The following PCDH1 variants were observed in gnomAD, a reference collection of about 807,000 sequenced individuals.
PCDH1 encodes the protein protocadherin 1, also known as protocadherin-1.
In PCDH1, 23 loss-of-function variants were observed where a neutral mutation model predicts 74.6. That is an observed-to-expected ratio of 0.31 (90% confidence interval 0.22 to 0.44). PCDH1 has a LOEUF of 0.44. Among genes scored for constraint, PCDH1 ranks in the 20% least tolerant of loss-of-function variants. The pLI is 1.00. For missense variants in PCDH1, 1,214 were observed against 1,641.4 expected (o/e 0.74, Z 4.50); for synonymous variants, 647 against 686.1 (o/e 0.94, Z 0.89).
At chr5:141,862,947 G>A in intron 3 of PCDH1, 1 of 1,239,408 alleles carries the variant, frequency 8.1e-7, no homozygotes, top group Admixed American at 3.9e-5. Flanking sequence ...ATAAGGCCCA[G>A]TAGCTGGTCC....
intron 3 of PCDH1, chr5:141,862,547 G>C: frequency 1.2e-6 from 1 of 816,088 alleles, no homozygotes; most frequent in Non-Finnish European, 1.5e-6. Flanking sequence ...TGTGGCAAGA[G>C]GCAAAGAGAA....
Position 141,853,718 on chromosome 5 carries a change from C to T in PCDH1, c.*324G>A, listed in dbSNP as rs192974004. 10 of 270,232 alleles carry T rather than the reference C, an allele frequency of 3.7e-5. No individual in the cohort carries two copies. Among genetic ancestry groups the T allele is most frequent in the East Asian group, 1.9e-4 (3 of 15,734 alleles). The allele number at this position is 270,232 out of a possible 1,614,324, so 16.7% of individuals were successfully genotyped here. A position where few individuals can be genotyped will look rare whatever the true frequency, so the allele number is the denominator to read the frequency against. Reference sequence around the variant, plus strand: ...AGAAGTACGCTGCCCACCCTTGACTCCACCATCTGCCCAAATCGAGGGGGT... The same window carrying T: ...AGAAGTACGCTGCCCACCCTTGACTTCACCATCTGCCCAAATCGAGGGGGT... On this transcript the variant is annotated 3_prime_UTR_variant, in exon 5 of 5. Transcript: ENST00000287008.
Position 141,869,261 on chromosome 5 carries a change from T to C in PCDH1, c.211A>G (p.Asn71Asp), listed in dbSNP as rs1452477326. The C allele has an allele frequency of 1.2e-6, 2 of 1,612,018 alleles. No homozygotes were observed. Among genetic ancestry groups the C allele is most frequent in the African/African-American group, 2.7e-5 (2 of 74,852 alleles). ...VYKVPEEQPP[N>D]TLIGSLAADY... ...GCTGCGAGGCTCCCAATGAGGGTGTTGGGTGGCTGTTCCTCCGGCACCTTG... is the reference window on the plus strand; with the variant it reads ...GCTGCGAGGCTCCCAATGAGGGTGTCGGGTGGCTGTTCCTCCGGCACCTTG... Residue 71 changes from asparagine (N) to aspartate (D), a missense_variant, in exon 2 of 5, where the codon AAC becomes GAC. Coordinates refer to ENST00000287008, the MANE Select transcript of PCDH1 (RefSeq NM_032420.5). This position sits in a 1 kb window ranked among gnomAD's most constrained non-coding sequence, Gnocchi z 4.9.
rs756675108 is a variant in PCDH1, at chr5:141,865,450, AAGG to A, written c.904-26_904-24del. On this transcript the variant is annotated intron_variant, in intron 2 of 4. Coordinates refer to ENST00000287008, the MANE Select transcript of PCDH1 (RefSeq NM_032420.5). This position sits in a 1 kb window ranked among gnomAD's most constrained non-coding sequence, Gnocchi z 4.4. ...CACCTATAGGGCAGGAGAGAAAAAC[AAGG>A]AGAACAGAGATGGTTTAGATCAGGG... 1.4e-5 allele frequency: 22 copies of A among 1,601,938 alleles called. No homozygotes were observed. The highest frequency in any genetic ancestry group is 1.7e-4 in the Middle Eastern group (1 of 6,054).
rs529468142 is a variant in PCDH1, at chr5:141,859,625, T to C, written c.3100-2154A>G. Among the ~76,000 whole-genome samples, 114 of 152,252 alleles carry C rather than the reference T, an allele frequency of 7.5e-4. 2 individuals carry two copies. The South Asian group carries it at 0.011, about 15-fold the overall frequency. On this transcript the variant is annotated intron_variant, in intron 3 of 4. Transcript: ENST00000287008. ...CAGAAGGCTGATGTCTACCTGAGAATCCTGGTAGCTCTCCCCTCATTCCCT... is the reference window on the plus strand; with the variant it reads ...CAGAAGGCTGATGTCTACCTGAGAACCCTGGTAGCTCTCCCCTCATTCCCT...
rs370256285 is a variant in PCDH1 at position 141,863,926 on chromosome 5, C to T, written c.2405G>A (p.Arg802His). The T allele has an allele frequency of 2.9e-5, 47 of 1,614,024 alleles. No homozygotes were observed. The highest frequency in any genetic ancestry group is 1.6e-4 in the Middle Eastern group (1 of 6,084). ...AAGATGGACCAAGGCTGTGCCATAG[C>T]GTGGGGGCTTGCCGCGGTCACTGAC... is the stretch of plus-strand genomic sequence containing the variant. ...VKVSDRGKPP[R>H]YGTALVHLYV... Residue 802 changes from arginine (R) to histidine (H), a missense_variant, in exon 3 of 5, where the codon CGC becomes CAC. Coordinates refer to ENST00000287008, the MANE Select transcript of PCDH1 (RefSeq NM_032420.5). The surrounding 1 kb of genome is among the most constrained non-coding windows in gnomAD (Gnocchi z 7.5).
At chr5:141,874,379 A>C (rs1753168098) in intron 1 of PCDH1, among the ~76,000 whole-genome samples, 1 of 152,176 alleles carries the variant, frequency 6.6e-6, no homozygotes, top group Non-Finnish European at 1.5e-5. Flanking sequence ...GCAGCGCCTT[A>C]TCTGCCCTTC....
Position 141,857,407 on chromosome 5 carries a change from T to A in PCDH1, c.3164A>T (p.Gln1055Leu). The change falls in exon 4 of 5, where the codon CAG (glutamine) becomes CTG (leucine). Residue 1055 changes from glutamine to leucine, a missense_variant. Around this residue, in one of 4 missense-constraint regions of PCDH1, gnomAD observed 836 missense variants for 1,182.2 expected, o/e 0.71. Transcript: ENST00000287008. ...SQAQELQDPS[Q>L]HSYYDSGLEE... is the part of the protein sequence containing the mutation. ...CAGGCCACTGTCATAGTAACTGTGC[T>A]GGGATGGGTCCTGCAGCTCCTGGGC... The A allele has an allele frequency of 6.2e-7, 1 of 1,614,096 alleles. No individual in the cohort carries two copies. Among genetic ancestry groups the A allele is most frequent in the South Asian group, 1.1e-5 (1 of 91,066 alleles).
Position 141,878,102 on chromosome 5 carries a change from G to A in PCDH1, c.40+121C>T. 9.0e-6 allele frequency: 8 copies of A among 893,118 alleles called. 1 individual carries two copies. In the South Asian group the frequency reaches 9.1e-5, roughly 10 times the overall value. 55.3% of individuals were successfully genotyped at this position (893,118 alleles called of 1,614,324 possible). A position where few individuals can be genotyped will look rare whatever the true frequency, so the allele number is the denominator to read the frequency against. On this transcript the variant is annotated intron_variant, in intron 1 of 4. Transcript: ENST00000287008. This position sits in a 1 kb window ranked among gnomAD's most constrained non-coding sequence, Gnocchi z 5.5. ...GCAGCCCCCACCTCAGCCCCCTCGC[G>A]CCGAGCTCGTGTTGGGCCCCCGCGG...
intron 1 of PCDH1, among the ~76,000 whole-genome samples, chr5:141,876,325 C>A (rs1369635497): frequency 6.6e-6 from 1 of 152,158 alleles, no homozygotes; most frequent in East Asian, 1.9e-4. Flanking sequence ...CCCTCCTCCC[C>A]GGCATCTCCG....
intron 1 of PCDH1, among the ~76,000 whole-genome samples, chr5:141,872,058 G>C (rs1198861644): frequency 6.6e-6 from 1 of 152,064 alleles, no homozygotes; most frequent in Non-Finnish European, 1.5e-5. Flanking sequence ...GGCGTTATCA[G>C]ATTGGTGTGA....
In PCDH1 at chr5:141,863,412, G is replaced by T; in HGVS notation, c.2919C>A (p.Ser973=). 1 of 1,557,434 alleles carries T rather than the reference G, an allele frequency of 6.4e-7. No individual in the cohort carries two copies. Among genetic ancestry groups the T allele is most frequent in the East Asian group, 2.3e-5 (1 of 44,390 alleles). Residue 973 remains serine, a synonymous_variant, in exon 3 of 5, where the codon TCC becomes TCA. Transcript: ENST00000287008. This position sits in a 1 kb window ranked among gnomAD's most constrained non-coding sequence, Gnocchi z 7.5. ...GCTGCAGCTGGATGGAAGGCAGTGG[G>T]GAGTTAGAGCGATAGTGGCGGCCCA... ...PDLGRHYRSN[S]PLPSIQLQPQ...
chr5:141,874,374 G>A (rs747599441), intron 1 of PCDH1, among the ~76,000 whole-genome samples: 3 of 152,190 alleles, frequency 2.0e-5, no homozygotes, highest in African/African-American at 7.2e-5. Context: ...TACATGCAGC[G>A]CCTTATCTGC....
chr5:141,868,883 C>T lies in PCDH1; in HGVS notation c.589G>A (p.Ala197Thr). Residue 197 changes from alanine to threonine, a missense_variant, in exon 2 of 5, where the codon GCT (alanine) becomes ACT (threonine). Ala to Thr is a moderately conservative substitution (Grantham distance 58). Around this residue, in one of 4 missense-constraint regions of PCDH1, gnomAD observed 836 missense variants for 1,182.2 expected, o/e 0.71. Coordinates refer to ENST00000287008, the MANE Select transcript of PCDH1 (RefSeq NM_032420.5). This position sits in a 1 kb window ranked among gnomAD's most constrained non-coding sequence, Gnocchi z 4.8. ...FPIPLASDRD[A>T]GPNGVASYEL... ...TAGGATGCCACACCGTTGGGACCAG[C>T]ATCACGGTCTGAAGCCAGCGGGATG... 1 of 1,614,250 alleles carries T rather than the reference C, an allele frequency of 6.2e-7. No homozygotes were observed. The highest frequency in any genetic ancestry group is 8.5e-7 in the Non-Finnish European group (1 of 1,180,052).
rs746848665 is a variant in PCDH1 at position 141,865,296 on chromosome 5, C to T, written c.1035G>A (p.Val345=). 97 of 1,614,072 alleles carry T rather than the reference C, an allele frequency of 6.0e-5. No individual in the cohort carries two copies. The highest frequency in any genetic ancestry group is 8.1e-5 in the Non-Finnish European group (95 of 1,180,046). The change falls in exon 3 of 5, where the codon GTG becomes GTA. Residue 345 remains valine (V), a synonymous_variant. Transcript: ENST00000287008. This position sits in a 1 kb window ranked among gnomAD's most constrained non-coding sequence, Gnocchi z 4.4. ...GCAGGGTGCTTAGGTCCTCACGGTC[C>T]ACCGGGCCCTGAACAGTGATAAGTC... is the stretch of plus-strand genomic sequence containing the variant. ...NTGLITVQGP[V]DREDLSTLRF...
intron 2 of PCDH1, chr5:141,867,437 G>A (rs1440107681): frequency 2.7e-6 from 1 of 366,974 alleles, no homozygotes; most frequent in Non-Finnish European, 5.3e-6. Context: ...TTTGGGCCCG[G>A]TTTCTCATCT....
rs1303460653 is a variant in PCDH1, at chr5:141,878,301, C to A, written c.-39G>T. 1.1e-5 allele frequency: 13 copies of A among 1,226,750 alleles called. No individual in the cohort carries two copies. The Admixed American group carries it at 4.9e-4, about 46-fold the overall frequency. 76.0% of individuals were successfully genotyped at this position (1,226,750 alleles called of 1,614,324 possible). On this transcript the variant is annotated 5_prime_UTR_variant, in exon 1 of 5. Coordinates refer to ENST00000287008, the MANE Select transcript of PCDH1 (RefSeq NM_032420.5). The surrounding 1 kb of genome is among the most constrained non-coding windows in gnomAD (Gnocchi z 5.5). Reference sequence around the variant, plus strand: ...CCCCGGCCTGGGCTGCGGCTCCGCACGGCTGGGGCTGGAGCTGCAGTTCGG... The same window carrying A: ...CCCCGGCCTGGGCTGCGGCTCCGCAAGGCTGGGGCTGGAGCTGCAGTTCGG...
chr5:141,873,740 G>A (rs1030180455), intron 1 of PCDH1, among the ~76,000 whole-genome samples: 2 of 151,932 alleles, frequency 1.3e-5, no homozygotes, highest in Admixed American at 6.6e-5. Context: ...TTACAGGCGT[G>A]AGCCACTGCG....
At position 141,863,825 on chromosome 5, in the gene PCDH1, T is replaced by C; in HGVS notation, c.2506A>G (p.Ile836Val). The C allele has an allele frequency of 6.2e-7, 1 of 1,614,160 alleles. No homozygotes were observed. Among genetic ancestry groups the C allele is most frequent in the Non-Finnish European group, 8.5e-7 (1 of 1,180,038 alleles). The change falls in exon 3 of 5, where the codon ATT (isoleucine) becomes GTT (valine). Residue 836 changes from isoleucine to valine, a missense_variant. Ile to Val is a conservative substitution (Grantham distance 29, BLOSUM62 3). This residue lies in a region of PCDH1 where 836 missense variants were observed against 1,182.2 expected (regional missense o/e 0.71). Transcript: ENST00000287008. This position sits in a 1 kb window ranked among gnomAD's most constrained non-coding sequence, Gnocchi z 7.5. ...LGHSLDTPLD[I>V]DIAGDPEYER... is the part of the protein sequence containing the mutation. ...TATTCTGGATCCCCAGCAATGTCAA[T>C]ATCCAGCGGCGTGTCCAGGCTGTGG... is the stretch of plus-strand genomic sequence containing the variant.
Sources: gnomAD v4.1 joint callset for allele counts (sites outside exome capture counted in the v4.1 genomes callset) on GRCh38, gnomAD v4.1.1 for gene constraint, gnomAD v4.1.1 regional missense constraint, Gnocchi (gnomAD v3.1) non-coding constraint, MANE v1.5 for transcripts, NCBI Gene and HGNC (gene_info 2026-07-23, HGNC 2026-07-21) for gene names.